Variants in IFT80 observed in about 807,000 individuals in gnomAD.
IFT80 encodes the protein intraflagellar transport 80, also known as intraflagellar transport protein 80 homolog.
IFT80 carries 79 observed loss-of-function variants against 107.9 expected under a neutral mutation model. That is an observed-to-expected ratio of 0.73 (90% confidence interval 0.61 to 0.88). IFT80 has a LOEUF of 0.88. IFT80 is among the 40% of genes least tolerant of loss of function. The pLI is 0.00. For missense variants in IFT80, 797 were observed against 914.2 expected (o/e 0.87, Z 1.65); for synonymous variants, 299 against 300.9 (o/e 0.99, Z 0.07).
intron 8 of IFT80, among the ~76,000 whole-genome samples, chr3:160,330,100 CTT>C (rs892162698): frequency 3.9e-5 from 6 of 152,316 alleles, no homozygotes; most frequent in African/African-American, 1.4e-4. Context: ...TTAACAAGCT[CTT>C]GAGATAATTC....
chr3:160,383,969 G>T, intron 2 of IFT80: 1 of 985,262 alleles, frequency 1.0e-6, no homozygotes. Context: ...TTTTGGCCAG[G>T]CGCGGTGGCT....
At position 160,377,557 on chromosome 3, in the gene IFT80, T is replaced by G. The variant is rs1320710353; in HGVS notation, c.260-17A>C. ...GAAATTTACCTGAAAGAAATTACAT[T>G]TGAAAAATCTATTTTATTTATTCAA... On this transcript the variant is annotated splice_polypyrimidine_tract_variant and intron_variant, in intron 3 of 19. Transcript: ENST00000326448. 7.1e-7 allele frequency: 1 copy of G among 1,416,454 alleles called. No individual in the cohort carries two copies. Among genetic ancestry groups the G allele is most frequent in the African/African-American group, 1.4e-5 (1 of 71,176 alleles). The allele number at this position is 1,416,454 out of a possible 1,614,324, so 87.7% of individuals were successfully genotyped here. A position where few individuals can be genotyped will look rare whatever the true frequency, so the allele number is the denominator to read the frequency against.
chr3:160,284,532 A>G (rs1047850418), intron 13 of IFT80, among the ~76,000 whole-genome samples: 12 of 152,218 alleles, frequency 7.9e-5, no homozygotes, highest in Non-Finnish European at 1.5e-4. Context: ...ACTTCACAAT[A>G]CTTATTAAAA....
At chr3:160,339,922 A>G (rs1029196576) in intron 8 of IFT80, among the ~76,000 whole-genome samples, 2 of 152,142 alleles carry the variant, frequency 1.3e-5, no homozygotes, top group African/African-American at 4.8e-5. Flanking sequence ...TGTGAGACTG[A>G]CCAATTTGGT....
At chr3:160,320,405 T>TAC (rs1718118613) in intron 8 of IFT80, among the ~76,000 whole-genome samples, 1 of 151,762 alleles carries the variant, frequency 6.6e-6, no homozygotes, top group Admixed American at 6.6e-5. Flanking sequence ...ATCATGAAAT[T>TAC]ACACGAAACT....
Position 160,370,427 on chromosome 3 carries a change from T to C in IFT80, c.440-4275A>G, listed in dbSNP as rs1722155568. ...ATCATTGGCATTCAAACACGAAGAA[T>C]GATTTCCTTTTCATTTTATTTGTAG... On this transcript the variant is annotated intron_variant, in intron 5 of 19. Transcript: ENST00000326448. Among the ~76,000 whole-genome samples the C allele has an allele frequency of 2.0e-5, 3 of 152,020 alleles. No homozygotes were observed. The South Asian group carries it at 6.2e-4, about 32-fold the overall frequency.
chr3:160,340,750 A>G (rs774379396), intron 8 of IFT80, among the ~76,000 whole-genome samples: 1 of 152,182 alleles, frequency 6.6e-6, no homozygotes, highest in Admixed American at 6.5e-5. Context: ...ATATTGGATG[A>G]CTGGATAATC....
chr3:160,384,784 G>A (rs1712798708), intron 1 of IFT80, 138 bp from the exon 2 acceptor site: 1 of 614,998 alleles, frequency 1.6e-6, no homozygotes, highest in Non-Finnish European at 2.8e-6. Context: ...CATGGAAAGA[G>A]AAAAAAAACT....
intron 8 of IFT80, among the ~76,000 whole-genome samples, chr3:160,322,803 T>C (rs1718352776): frequency 6.6e-6 from 1 of 152,228 alleles, no homozygotes. Context: ...TGAGCATTTT[T>C]TCATGTGTCT....
At chr3:160,302,210 CT>C (rs1559927822) in intron 11 of IFT80, among the ~76,000 whole-genome samples, 1 of 151,808 alleles carries the variant, frequency 6.6e-6, no homozygotes, top group African/African-American at 2.4e-5. Flanking sequence ...GCTAAATGTT[CT>C]TTTTTTGCTA....
chr3:160,347,698 A>G lies in IFT80; in HGVS notation c.777+8315T>C, dbSNP rs147863343. On this transcript the variant is annotated intron_variant, in intron 8 of 19. Transcript: ENST00000326448. ...TAACCCAGTCTTTTTACTAAATAAC[A>G]TCATAAGTATCTTTCCAGGTGATTA... is the stretch of plus-strand genomic sequence containing the variant. 5.8e-3 allele frequency among the ~76,000 whole-genome samples: 886 copies of G among 152,272 alleles called. 5 individuals are homozygous for G. Among genetic ancestry groups the G allele is most frequent in the Non-Finnish European group, 9.2e-3 (629 of 68,008 alleles).
chr3:160,360,524 C>T (rs999234336), intron 6 of IFT80, among the ~76,000 whole-genome samples: 2 of 152,100 alleles, frequency 1.3e-5, no homozygotes, highest in African/African-American at 4.8e-5. Context: ...AGATACTCCT[C>T]AAGAAGAGCA....
At chr3:160,319,247 T>C (rs1263817638) in intron 9 of IFT80, among the ~76,000 whole-genome samples, 2 of 151,958 alleles carry the variant, frequency 1.3e-5, no homozygotes, top group Admixed American at 1.3e-4. Context: ...GGTAGAGATA[T>C]TTTTCTTCCC....
chr3:160,312,558 G>A (rs1243576796), intron 9 of IFT80, among the ~76,000 whole-genome samples: 3 of 111,004 alleles, frequency 2.7e-5, no homozygotes, highest in Non-Finnish European at 3.5e-5. Context: ...TTGTGTTTGA[G>A]TCCAGATGAG....
At chr3:160,345,350 G>T (rs1484723405) in intron 8 of IFT80, among the ~76,000 whole-genome samples, 1 of 152,132 alleles carries the variant, frequency 6.6e-6, no homozygotes, top group Non-Finnish European at 1.5e-5. Flanking sequence ...GACAAATATT[G>T]CATGTTCTCA....
At chr3:160,351,740 T>C (rs181839359) in intron 8 of IFT80, among the ~76,000 whole-genome samples, 158 of 141,794 alleles carry the variant, frequency 1.1e-3, no homozygotes, top group African/African-American at 4.4e-3. Context: ...ATGATAACTG[T>C]ATAAAAGGAT....
intron 8 of IFT80, among the ~76,000 whole-genome samples, chr3:160,320,965 A>G (rs565234320): frequency 1.3e-5 from 2 of 151,952 alleles, no homozygotes; most frequent in South Asian, 4.1e-4. Flanking sequence ...AGGCTCTTCA[A>G]CCACTCACTG....
At chr3:160,262,092 G>C (rs1712891608) in intron 19 of IFT80, among the ~76,000 whole-genome samples, 1 of 152,034 alleles carries the variant, frequency 6.6e-6, no homozygotes, top group Admixed American at 6.6e-5. Context: ...CTCAACGCTT[G>C]TAAGTTTATT....
intron 8 of IFT80, among the ~76,000 whole-genome samples, chr3:160,322,103 T>C (rs1718278965): frequency 6.6e-6 from 1 of 151,742 alleles, no homozygotes; most frequent in Admixed American, 6.6e-5. Context: ...GTTATATATG[T>C]ATGCATGTGC....
Sources: allele counts gnomAD v4.1 joint callset (sites outside exome capture counted in the v4.1 genomes callset), GRCh38; gene constraint gnomAD v4.1.1; transcripts MANE v1.5; gene names NCBI Gene and HGNC (gene_info 2026-07-23, HGNC 2026-07-21).